Variants in TNRC6B observed in about 807,000 individuals in gnomAD.
TNRC6B encodes the protein trinucleotide repeat containing adaptor 6B, also known as trinucleotide repeat-containing gene 6B protein.
TNRC6B carries 52 observed loss-of-function variants against 203.6 expected under a neutral mutation model. The ratio of observed to expected loss-of-function variants is 0.26; its 90% CI spans 0.20 to 0.32. The LOEUF is 0.32. TNRC6B is among the 10% of genes least tolerant of loss of function. The probability of loss-of-function intolerance (pLI) is 1.00; values close to 1 mark genes in which losing one functional copy is unlikely to be tolerated. For missense variants in TNRC6B, 1,923 were observed against 2,286.2 expected (o/e 0.84, Z 3.24); for synonymous variants, 838 against 845.7 (o/e 0.99, Z 0.16).
At chr22:40,150,014 C>T (rs892566087) in intron 3 of TNRC6B, among the ~76,000 whole-genome samples, 23 of 131,638 alleles carry the variant, frequency 1.7e-4, no homozygotes, top group African/African-American at 5.5e-4. Flanking sequence ...AAAATAGTTT[C>T]GGTGGGGTGG....
At chr22:40,318,762 A>G (rs1229455911) in intron 21 of TNRC6B, among the ~76,000 whole-genome samples, 2 of 152,098 alleles carry the variant, frequency 1.3e-5, no homozygotes, top group African/African-American at 4.8e-5. Flanking sequence ...TCGGCTGTTC[A>G]CTTGTTCTAT....
chr22:40,160,911 A>AGC (rs2068866671), intron 4 of TNRC6B, among the ~76,000 whole-genome samples: 1 of 152,114 alleles, frequency 6.6e-6, no homozygotes, highest in Non-Finnish European at 1.5e-5. Context: ...AATGAGTTGA[A>AGC]ATATCTTTTG....
intron 1 of TNRC6B, among the ~76,000 whole-genome samples, chr22:40,210,126 G>A (rs1451561664): frequency 6.6e-6 from 1 of 152,088 alleles, no homozygotes; most frequent in African/African-American, 2.4e-5. Flanking sequence ...CTTGCTTGTG[G>A]GATGCCCGCC....
chr22:40,207,881 G>A (rs1057045882), intron 1 of TNRC6B, among the ~76,000 whole-genome samples: 29 of 152,084 alleles, frequency 1.9e-4, no homozygotes, highest in African/African-American at 7.0e-4. Flanking sequence ...GGGAGGCTGA[G>A]GTGGGCAGAT....
At chr22:40,171,905 G>A (rs1192253513) in intron 4 of TNRC6B, among the ~76,000 whole-genome samples, 4 of 152,004 alleles carry the variant, frequency 2.6e-5, no homozygotes, top group Admixed American at 2.6e-4. Flanking sequence ...CTGTTGCCCA[G>A]GCTGGAGTGC....
At chr22:40,184,555 A>G (rs780074115) in intron 1 of TNRC6B, among the ~76,000 whole-genome samples, 2 of 152,208 alleles carry the variant, frequency 1.3e-5, no homozygotes, top group African/African-American at 2.4e-5. Flanking sequence ...TTTAAGTGGG[A>G]AAGTCACTTG....
chr22:40,098,384 C>CAAAAAAAAAA (rs1056495905), intron 1 of TNRC6B, among the ~76,000 whole-genome samples: 4 of 51,492 alleles, frequency 7.8e-5, no homozygotes, highest in Admixed American at 2.5e-4. Context: ...GACTCCGTCT[C>CAAAAAAAAAA]AAAAAAAAAA....
chr22:40,059,815 GTTTTTT>G (rs764365612), intron 1 of TNRC6B, among the ~76,000 whole-genome samples: 1 of 126,180 alleles, frequency 7.9e-6, no homozygotes, highest in Non-Finnish European at 1.7e-5. Context: ...ATAGAGTTTG[GTTTTTT>G]TTTTTTTTTT....
rs190285751 is a variant in TNRC6B at position 40,274,932 on chromosome 22, G to A, written c.3141+1332G>A. On this transcript the variant is annotated intron_variant, in intron 7 of 22. Coordinates refer to ENST00000454349, the MANE Select transcript of TNRC6B (RefSeq NM_001162501.2). ...ATAAAATAGTGGAAATACGAAATGG[G>A]CATCCAATACTTAACTTCAACATGA... Among the ~76,000 whole-genome samples, 116 of 152,244 alleles carry A rather than the reference G, an allele frequency of 7.6e-4. 1 individual carries two copies. The highest frequency in any genetic ancestry group is 2.7e-3 in the African/African-American group (114 of 41,550).
At chr22:40,132,969 A>AAAAAAATATATATATATATATAT (rs1282694632) in intron 3 of TNRC6B, among the ~76,000 whole-genome samples, 2 of 78,174 alleles carry the variant, frequency 2.6e-5, no homozygotes, top group South Asian at 6.2e-4. Flanking sequence ...AAAAAAAAAA[A>AAAAAAATATATATATATATATAT]ATATATATAT....
chr22:40,122,566 C>T (rs548106166), intron 2 of TNRC6B, among the ~76,000 whole-genome samples: 7 of 152,280 alleles, frequency 4.6e-5, no homozygotes, highest in East Asian at 1.9e-4. Flanking sequence ...GCTCCACCTA[C>T]GTTGTTTCTC....
intron 1 of TNRC6B, among the ~76,000 whole-genome samples, chr22:40,079,090 A>T (rs1190686549): frequency 1.3e-5 from 2 of 151,888 alleles, no homozygotes; most frequent in South Asian, 4.1e-4. Flanking sequence ...AAAAAAGAAA[A>T]GAAAAAGAAA....
chr22:40,116,624 T>A (rs536281242), intron 1 of TNRC6B, among the ~76,000 whole-genome samples: 1 of 152,232 alleles, frequency 6.6e-6, no homozygotes, highest in Admixed American at 6.5e-5. Flanking sequence ...TATGGGTAGA[T>A]CTGAGAAACA....
chr22:40,153,478 G>C (rs1022850100), intron 3 of TNRC6B, among the ~76,000 whole-genome samples: 3 of 151,672 alleles, frequency 2.0e-5, no homozygotes, highest in Non-Finnish European at 2.9e-5. Context: ...AACTGATTAA[G>C]AGGAGATTTA....
In TNRC6B at chr22:40,279,827, A is replaced by G. The variant is rs1425329508; in HGVS notation, c.3263-168A>G. Among the ~76,000 whole-genome samples the G allele has an allele frequency of 2.6e-5, 4 of 152,328 alleles. No homozygotes were observed. In the East Asian group the frequency reaches 7.7e-4, roughly 29 times the overall value. The stretch of plus-strand genomic sequence containing the variant: ...GGACCCATGTGTGTTCCAGGGACAA[A>G]CACCAGCAGCCTGGACCAATGAGAG... On this transcript the variant is annotated intron_variant, in intron 9 of 22. Coordinates refer to ENST00000454349, the MANE Select transcript of TNRC6B (RefSeq NM_001162501.2).
rs1319382051 is a variant in TNRC6B, at chr22:40,312,731, CTGG to C, written c.4582+82_4582+84del. 4 of 1,536,370 alleles carry C rather than the reference CTGG, an allele frequency of 2.6e-6. No individual in the cohort carries two copies. The Admixed American group carries it at 5.7e-5, about 22-fold the overall frequency. ...CAGTTTGTGACTTCATTTGTACTTGCTGGTACCTAAAAGTTTAACCAAAAAATG... is the reference window on the plus strand; with the variant it reads ...CAGTTTGTGACTTCATTTGTACTTGCTACCTAAAAGTTTAACCAAAAAATG... On this transcript the variant is annotated intron_variant, in intron 18 of 22. Transcript: ENST00000454349.
At chr22:40,285,891 C>A in intron 12 of TNRC6B, 121 bp downstream of exon 12, 1 of 1,310,084 alleles carries the variant, frequency 7.6e-7, no homozygotes, top group Non-Finnish European at 1.0e-6. Context: ...TATGAAAAAG[C>A]CATCTTTTCT....
intron 6 of TNRC6B, among the ~76,000 whole-genome samples, chr22:40,272,264 T>A (rs968152266): frequency 6.6e-6 from 1 of 152,140 alleles, no homozygotes; most frequent in African/African-American, 2.4e-5. Context: ...GTGGCTACAA[T>A]GAACCCCACT....
intron 1 of TNRC6B, among the ~76,000 whole-genome samples, chr22:40,208,177 G>A (rs1375957377): frequency 6.6e-6 from 1 of 151,274 alleles, no homozygotes; most frequent in Non-Finnish European, 1.5e-5. Context: ...TTATGGAATA[G>A]CAGGAGCTTT....
Sources: gnomAD v4.1 joint callset for allele counts (sites outside exome capture counted in the v4.1 genomes callset) on GRCh38, gnomAD v4.1.1 for gene constraint, MANE v1.5 for transcripts, NCBI Gene and HGNC (gene_info 2026-07-23, HGNC 2026-07-21) for gene names.